Variants in GRM8 observed in about 807,000 individuals in gnomAD.
The protein encoded by GRM8 is metabotropic glutamate receptor 8.
GRM8 carries 47 observed loss-of-function variants against 87.2 expected under a neutral mutation model. That is an observed-to-expected ratio of 0.54 (90% CI 0.43 to 0.69). The LOEUF is 0.69. GRM8 is among the 30% of genes least tolerant of loss of function. The probability of loss-of-function intolerance (pLI) is 0.00; values close to 1 mark genes in which losing one functional copy is unlikely to be tolerated. For missense variants in GRM8, 1,019 were observed against 1,139.2 expected, an observed-to-expected ratio of 0.89 and a Z score of 1.52; for synonymous variants, 396 against 404.5, an observed-to-expected ratio of 0.98 and a Z score of 0.25.
chr7:126,775,150 G>C (rs1381279746), intron 6 of GRM8, among the ~76,000 whole-genome samples: 1 of 152,180 alleles, frequency 6.6e-6, no homozygotes, highest in East Asian at 1.9e-4. Flanking sequence ...GAATTTTTCT[G>C]AATTATGAAG....
At chr7:127,126,157 C>CA (rs1827359634) in intron 2 of GRM8, among the ~76,000 whole-genome samples, 2 of 151,944 alleles carry the variant, frequency 1.3e-5, no homozygotes, top group African/African-American at 4.8e-5. Context: ...ATAACTATAT[C>CA]AAAAAGATAC....
At position 126,649,261 on chromosome 7, in the gene GRM8, T is replaced by G. The variant is rs1803520568; in HGVS notation, c.1358-39763A>C. 2.0e-5 allele frequency among the ~76,000 whole-genome samples: 3 copies of G among 152,282 alleles called. No homozygotes were observed. In the South Asian group the frequency reaches 6.2e-4, roughly 32 times the overall value. ...AGATTAACATTGAATCAGTGGGCTGTGAAAGGCAGACCCACCCTTAATATG... is the reference window on the plus strand; with the variant it reads ...AGATTAACATTGAATCAGTGGGCTGGGAAAGGCAGACCCACCCTTAATATG... On this transcript the variant is annotated intron_variant, in intron 7 of 10. Transcript: ENST00000339582.
chr7:126,796,862 C>T (rs1822007006), intron 6 of GRM8, among the ~76,000 whole-genome samples: 1 of 152,042 alleles, frequency 6.6e-6, no homozygotes, highest in Non-Finnish European at 1.5e-5. Context: ...TGTCTCAATT[C>T]TAGGCATTAT....
chr7:127,122,344 C>A (rs374646766), intron 2 of GRM8, among the ~76,000 whole-genome samples: 1 of 151,836 alleles, frequency 6.6e-6, no homozygotes, highest in Non-Finnish European at 1.5e-5. Context: ...TTGCATAGAC[C>A]GTAACTTAGA....
rs1810543561 is a variant in GRM8, at chr7:126,972,623, C to A, written c.728-67940G>T. Among the ~76,000 whole-genome samples, 4 of 152,094 alleles carry A rather than the reference C, an allele frequency of 2.6e-5. No homozygotes were observed. The South Asian group carries it at 8.3e-4, about 32-fold the overall frequency. On this transcript the variant is annotated intron_variant, in intron 3 of 10. Coordinates refer to ENST00000339582, the MANE Select transcript of GRM8 (RefSeq NM_000845.3). Reference sequence around the variant, plus strand: ...GCTAGATTTAACCAATCTATCAAACCAGGATAATACAAGGAAGGATATTGT... The same window carrying A: ...GCTAGATTTAACCAATCTATCAAACAAGGATAATACAAGGAAGGATATTGT...
intron 8 of GRM8, among the ~76,000 whole-genome samples, chr7:126,560,307 G>A (rs1793569793): frequency 6.6e-6 from 1 of 152,022 alleles, no homozygotes; most frequent in African/African-American, 2.4e-5. Flanking sequence ...TAAAACCTAT[G>A]AATAACATTG....
chr7:126,630,204 G>GA (rs1314876694), intron 7 of GRM8, among the ~76,000 whole-genome samples: 1 of 151,132 alleles, frequency 6.6e-6, no homozygotes, highest in Non-Finnish European at 1.5e-5. Context: ...ATTAGTCAAA[G>GA]AAAAAATTAA....
intron 6 of GRM8, among the ~76,000 whole-genome samples, chr7:126,819,753 A>T (rs1008767573): frequency 6.6e-6 from 1 of 152,228 alleles, no homozygotes; most frequent in African/African-American, 2.4e-5. Context: ...TTTTAAAAAA[A>T]CTATAGAAAT....
At chr7:126,498,843 C>T (rs1330026531) in intron 9 of GRM8, among the ~76,000 whole-genome samples, 8 of 151,870 alleles carry the variant, frequency 5.3e-5, no homozygotes, top group Non-Finnish European at 1.0e-4. Flanking sequence ...TCATAAATTA[C>T]GTATTTATCT....
intron 7 of GRM8, among the ~76,000 whole-genome samples, chr7:126,655,692 T>G (rs370111482): frequency 6.7e-4 from 102 of 152,360 alleles, no homozygotes; most frequent in African/African-American, 2.3e-3. Flanking sequence ...TGAATCAGTA[T>G]TATTGTTTTA....
intron 10 of GRM8, among the ~76,000 whole-genome samples, chr7:126,442,322 A>G (rs1056611921): frequency 7.2e-5 from 11 of 152,076 alleles, no homozygotes; most frequent in African/African-American, 2.2e-4. Flanking sequence ...ATGATTTTCT[A>G]TGATCACTCA....
chr7:126,550,101 GTTTTTTGTTTTTTTGT>G lies in GRM8; in HGVS notation c.1495-16230_1495-16215del, dbSNP rs1172336070. Among the ~76,000 whole-genome samples the G allele has an allele frequency of 4.5e-3, 686 of 151,636 alleles. 7 individuals are homozygous for G. The highest frequency in any genetic ancestry group is 0.016 in the African/African-American group (664 of 41,358). ...ACAAGTTCCAGAGTAGAGTGAAAAT[GTTTTTTGTTTTTTTGT>G]TTTTTTGTTTTTTTTTCCGAGACGG... On this transcript the variant is annotated intron_variant, in intron 8 of 10. Transcript: ENST00000339582.
Position 127,236,627 on chromosome 7 carries a change from T to G in GRM8, c.510+6068A>C, listed in dbSNP as rs564359881. On this transcript the variant is annotated intron_variant, in intron 2 of 10. Coordinates refer to ENST00000339582, the MANE Select transcript of GRM8 (RefSeq NM_000845.3). ...TCCACCTGGTCTCTCCTTTGACCTT[T>G]GGGGATTATAGGGATTACATTTCAA... Among the ~76,000 whole-genome samples, 165 of 152,272 alleles carry G rather than the reference T, an allele frequency of 1.1e-3. 1 individual carries two copies. The highest frequency in any genetic ancestry group is 3.9e-3 in the African/African-American group (164 of 41,574).
At chr7:127,006,608 G>A (rs1047153459) in intron 3 of GRM8, among the ~76,000 whole-genome samples, 1 of 152,006 alleles carries the variant, frequency 6.6e-6, no homozygotes, top group Admixed American at 6.6e-5. Flanking sequence ...TAACTTAATG[G>A]AGAATAGCAT....
chr7:126,840,947 T>C (rs1796215603), intron 6 of GRM8, among the ~76,000 whole-genome samples: 1 of 152,206 alleles, frequency 6.6e-6, no homozygotes, highest in Admixed American at 6.5e-5. Context: ...CAAATAGACA[T>C]GTATATAAAG....
At chr7:126,988,258 C>A (rs1289900605) in intron 3 of GRM8, among the ~76,000 whole-genome samples, 1 of 152,198 alleles carries the variant, frequency 6.6e-6, no homozygotes, top group East Asian at 1.9e-4. Context: ...ATCAAAAGAA[C>A]TTGTCAGTTA....
intron 9 of GRM8, among the ~76,000 whole-genome samples, chr7:126,495,587 T>G (rs573941937): frequency 1.3e-5 from 2 of 151,790 alleles, no homozygotes; most frequent in Non-Finnish European, 2.9e-5. Flanking sequence ...GGTAAGGGAG[T>G]ATATGAATAC....
intron 6 of GRM8, among the ~76,000 whole-genome samples, chr7:126,856,037 G>C (rs939111272): frequency 2.0e-5 from 3 of 152,108 alleles, no homozygotes; most frequent in South Asian, 2.1e-4. Flanking sequence ...CAATGATTAA[G>C]AAGCATGAAC....
At chr7:127,231,989 C>A (rs1198685973) in intron 2 of GRM8, among the ~76,000 whole-genome samples, 1 of 151,838 alleles carries the variant, frequency 6.6e-6, no homozygotes, top group African/African-American at 2.4e-5. Context: ...CTGGGTCTTC[C>A]ATTTTTTGAA....
Sources: gnomAD v4.1 joint callset for allele counts (sites outside exome capture counted in the v4.1 genomes callset) on GRCh38, gnomAD v4.1.1 for gene constraint, MANE v1.5 for transcripts, NCBI Gene and HGNC (gene_info 2026-07-23, HGNC 2026-07-21) for gene names.